PBX3: variants seen among roughly 807,000 people sequenced by gnomAD.
The protein encoded by PBX3 is pre-B-cell leukemia transcription factor 3.
Under a neutral mutation model 48.5 loss-of-function variants are expected in PBX3, and 14 were observed. The ratio of observed to expected loss-of-function variants is 0.29; its 90% confidence interval spans 0.19 to 0.45. PBX3 has a LOEUF of 0.45. Among genes scored for constraint, PBX3 ranks in the 20% least tolerant of loss-of-function variants. PBX3 has a pLI of 1.00. For missense variants in PBX3, 386 were observed against 546.7 expected, an observed-to-expected ratio of 0.71 and a Z score of 2.93; for synonymous variants, 210 against 200.3, an observed-to-expected ratio of 1.05 and a Z score of -0.41.
intron 8 of PBX3, among the ~76,000 whole-genome samples, chr9:125,963,488 A>G (rs2118829323): frequency 6.6e-6 from 1 of 152,380 alleles, no homozygotes; most frequent in East Asian, 1.9e-4. Context: ...CAGGCAGACC[A>G]GCAAACCAAG....
At chr9:125,958,693 C>G (rs959699377) in intron 5 of PBX3, among the ~76,000 whole-genome samples, 3 of 152,180 alleles carry the variant, frequency 2.0e-5, no homozygotes, top group African/African-American at 7.2e-5. Flanking sequence ...CCGACTTCCT[C>G]TTAGACCCAT....
At chr9:125,910,971 A>G (rs1011798368) in intron 2 of PBX3, among the ~76,000 whole-genome samples, 3 of 151,936 alleles carry the variant, frequency 2.0e-5, no homozygotes, top group African/African-American at 7.3e-5. Flanking sequence ...ATTTTCAGTC[A>G]GTCCTTACTT....
chr9:125,808,141 C>A (rs1224217013), intron 2 of PBX3, among the ~76,000 whole-genome samples: 1 of 152,090 alleles, frequency 6.6e-6, no homozygotes, highest in African/African-American at 2.4e-5. Flanking sequence ...TACATACATA[C>A]AATTGTTAAA....
chr9:125,825,541 TA>T (rs1038103688), intron 2 of PBX3, among the ~76,000 whole-genome samples: 14 of 152,222 alleles, frequency 9.2e-5, no homozygotes, highest in African/African-American at 3.4e-4. Context: ...TGTTTTCTCA[TA>T]TTTCCTTCTG....
At chr9:125,774,565 A>G (rs988109547) in intron 2 of PBX3, among the ~76,000 whole-genome samples, 13 of 152,052 alleles carry the variant, frequency 8.5e-5, no homozygotes, top group African/African-American at 2.9e-4. Flanking sequence ...GTTGTGGCAT[A>G]TATCAGTACT....
intron 2 of PBX3, among the ~76,000 whole-genome samples, chr9:125,874,896 C>T (rs1305824176): frequency 6.6e-6 from 1 of 152,150 alleles, no homozygotes. Flanking sequence ...ATGTCCATAG[C>T]AGCTTTGTTT....
At chr9:125,748,666 T>TC in intron 2 of PBX3, 43 bp downstream of exon 2, 5 of 1,505,014 alleles carry the variant, frequency 3.3e-6, no homozygotes, top group Non-Finnish European at 4.6e-6. Context: ...ACCCCCGAGG[T>TC]GGGGGTCGGA....
chr9:125,847,112 G>A (rs1358769948), intron 2 of PBX3, among the ~76,000 whole-genome samples: 1 of 151,752 alleles, frequency 6.6e-6, no homozygotes, highest in East Asian at 1.9e-4. Flanking sequence ...TGCTTCATAG[G>A]TTGTGTTATA....
chr9:125,894,158 C>A (rs1419690886), intron 2 of PBX3, among the ~76,000 whole-genome samples: 1 of 152,028 alleles, frequency 6.6e-6, no homozygotes, highest in African/African-American at 2.4e-5. Flanking sequence ...TAATTTTATA[C>A]CCTGCATGAT....
chr9:125,913,935 C>G (rs1841264465), intron 2 of PBX3, among the ~76,000 whole-genome samples: 1 of 152,150 alleles, frequency 6.6e-6, no homozygotes, highest in Admixed American at 6.5e-5. Flanking sequence ...GCTCAGTAAG[C>G]TCTCATTGCA....
intron 2 of PBX3, among the ~76,000 whole-genome samples, chr9:125,767,608 A>T (rs1197930527): frequency 6.6e-6 from 1 of 152,190 alleles, no homozygotes; most frequent in Non-Finnish European, 1.5e-5. Context: ...ACATACTCAT[A>T]CAAGTTTAAA....
At chr9:125,840,969 A>G (rs566858793) in intron 2 of PBX3, among the ~76,000 whole-genome samples, 3 of 152,218 alleles carry the variant, frequency 2.0e-5, no homozygotes, top group Admixed American at 6.5e-5. Flanking sequence ...TTTGATTTCT[A>G]TTAGTTCAAT....
chr9:125,834,051 C>G lies in PBX3; in HGVS notation c.275-81635C>G, dbSNP rs143882346. Among the ~76,000 whole-genome samples the G allele has an allele frequency of 1.8e-3, 276 of 152,228 alleles. 1 individual carries two copies. The highest frequency in any genetic ancestry group is 6.1e-3 in the African/African-American group (255 of 41,526). ...TGCTTTCTCTGAGCCAGAGATTTTT[C>G]TAGATGTTGGGAATACAGCAATGAC... On this transcript the variant is annotated intron_variant, in intron 2 of 8. Transcript: ENST00000373489.
At chr9:125,783,181 A>G (rs116317198) in intron 2 of PBX3, among the ~76,000 whole-genome samples, 1 of 152,108 alleles carries the variant, frequency 6.6e-6, no homozygotes, top group African/African-American at 2.4e-5. Context: ...TCCCATTATT[A>G]TATGTTGGTG....
chr9:125,803,239 C>T (rs771947189), intron 2 of PBX3, among the ~76,000 whole-genome samples: 16 of 151,858 alleles, frequency 1.1e-4, no homozygotes, highest in Non-Finnish European at 2.2e-4. Context: ...AGGCACGGGC[C>T]ACCATGCCTG....
At chr9:125,857,674 A>C (rs1839757959) in intron 2 of PBX3, among the ~76,000 whole-genome samples, 1 of 152,226 alleles carries the variant, frequency 6.6e-6, no homozygotes, top group Non-Finnish European at 1.5e-5. Context: ...ACAGAATTTT[A>C]CATGTGAAAT....
At chr9:125,800,767 T>G (rs867605758) in intron 2 of PBX3, among the ~76,000 whole-genome samples, 6 of 151,664 alleles carry the variant, frequency 4.0e-5, no homozygotes, top group Middle Eastern at 3.4e-3. Context: ...TTTTTTTTTT[T>G]TTTGAGACAG....
Position 125,869,708 on chromosome 9 carries a change from A to G in PBX3, c.275-45978A>G, listed in dbSNP as rs189267719. On this transcript the variant is annotated intron_variant, in intron 2 of 8. Transcript: ENST00000373489. Reference sequence around the variant, plus strand: ...AAGGTATCTTCAGACTCATAATTGAAAGCTTTCACTACCAATAGAATTCCA... The same window carrying G: ...AAGGTATCTTCAGACTCATAATTGAGAGCTTTCACTACCAATAGAATTCCA... Among the ~76,000 whole-genome samples, 4 of 152,342 alleles carry G rather than the reference A, an allele frequency of 2.6e-5. No homozygotes were observed. In the East Asian group the frequency reaches 7.7e-4, roughly 29 times the overall value.
At chr9:125,905,248 T>G (rs1440954741) in intron 2 of PBX3, among the ~76,000 whole-genome samples, 1 of 152,000 alleles carries the variant, frequency 6.6e-6, no homozygotes, top group African/African-American at 2.4e-5. Context: ...CTTTCCTAAT[T>G]AATTGTTTAT....
Sources: gnomAD v4.1 joint callset for allele counts (sites outside exome capture counted in the v4.1 genomes callset) on GRCh38, gnomAD v4.1.1 for gene constraint, MANE v1.5 for transcripts, NCBI Gene and HGNC (gene_info 2026-07-23, HGNC 2026-07-21) for gene names.